The following STRN variants were observed in gnomAD, a reference collection of about 807,000 sequenced individuals.
STRN encodes the protein striatin.
STRN carries 53 observed loss-of-function variants against 96.3 expected under a neutral mutation model. The observed-to-expected ratio is 0.55, with a 90% CI of 0.44 to 0.69. The LOEUF is 0.69. Among genes scored for constraint, STRN ranks in the 30% least tolerant of loss-of-function variants. The pLI, the probability that STRN is intolerant of heterozygous loss-of-function variation, is 0.00. For missense variants in STRN, 987 were observed against 963.9 expected, an observed-to-expected ratio of 1.02 and a Z score of -0.32; for synonymous variants, 428 against 355.9, an observed-to-expected ratio of 1.20 and a Z score of -2.28.
intron 3 of STRN, among the ~76,000 whole-genome samples, chr2:36,915,055 G>C (rs1255369821): frequency 6.6e-6 from 1 of 151,128 alleles, no homozygotes; most frequent in Non-Finnish European, 1.5e-5. Context: ...AAATTAGCCA[G>C]GCCTGGTGGT....
intron 1 of STRN, among the ~76,000 whole-genome samples, chr2:36,959,418 G>A (rs1041489778): frequency 1.3e-5 from 2 of 152,124 alleles, no homozygotes; most frequent in African/African-American, 4.8e-5. Context: ...GATTAGCCTG[G>A]CCCCTAGACA....
At chr2:36,861,784 CT>C (rs1258974408) in intron 12 of STRN, among the ~76,000 whole-genome samples, 6 of 151,632 alleles carry the variant, frequency 4.0e-5, no homozygotes, top group Admixed American at 6.6e-5. Flanking sequence ...AACTTTTTAA[CT>C]TTTAGTTTCA....
At chr2:36,884,558 G>C (rs1442728617) in intron 8 of STRN, among the ~76,000 whole-genome samples, 2 of 152,072 alleles carry the variant, frequency 1.3e-5, no homozygotes, top group Non-Finnish European at 2.9e-5. Context: ...TCCCTGTTTT[G>C]ACTGTTTTAT....
intron 12 of STRN, 145 bp from the exon 13 acceptor site, chr2:36,861,398 A>G: frequency 2.7e-6 from 3 of 1,114,520 alleles, no homozygotes; most frequent in Non-Finnish European, 3.7e-6. Flanking sequence ...CTATCAAAGC[A>G]CTGTTCATTT....
In STRN at chr2:36,844,356, T is replaced by C. The variant is rs1221228681; in HGVS notation, c.*5100A>G. ...AACAAATTTAGCAGCTCTCTACAAG[T>C]CAATTAAAATACCATTCTCTGAGAC... is the stretch of plus-strand genomic sequence containing the variant. On this transcript the variant is annotated 3_prime_UTR_variant, in exon 18 of 18. Transcript: ENST00000263918. The C allele has an allele frequency of 5.9e-5, 9 of 152,114 alleles. No homozygotes were observed. The highest frequency in any genetic ancestry group is 5.9e-4 in the Admixed American group (9 of 15,258). The allele number at this position is 152,114 out of a possible 1,614,324, so 9.4% of individuals were successfully genotyped here.
At position 36,838,602 on chromosome 2, in the gene STRN, T is replaced by C. The variant is rs1010343459; in HGVS notation, c.*10854A>G. 6.6e-6 allele frequency among the ~76,000 whole-genome samples: 1 copy of C among 152,196 alleles called. No homozygotes were observed. The highest frequency in any genetic ancestry group is 6.5e-5 in the Admixed American group (1 of 15,272). On this transcript the variant is annotated 3_prime_UTR_variant, in exon 18 of 18. Coordinates refer to ENST00000263918, the MANE Select transcript of STRN (RefSeq NM_003162.4). ...GCCATGAGTATTAAGGGAAAAGTGTTTTTATACATTTACTGATGGAAATAA... is the reference window on the plus strand; with the variant it reads ...GCCATGAGTATTAAGGGAAAAGTGTCTTTATACATTTACTGATGGAAATAA...
rs548132195 is a variant in STRN at position 36,939,747 on chromosome 2, C to G, written c.235-14539G>C. Reference sequence around the variant, plus strand: ...GTGGAAATAGTTTCTGACACAAAATCACTATTCTGTAAGCATTTGCTGAAC... The same window carrying G: ...GTGGAAATAGTTTCTGACACAAAATGACTATTCTGTAAGCATTTGCTGAAC... On this transcript the variant is annotated intron_variant, in intron 1 of 17. Transcript: ENST00000263918. Among the ~76,000 whole-genome samples the G allele has an allele frequency of 2.0e-5, 3 of 152,258 alleles. No individual in the cohort carries two copies. In the East Asian group the frequency reaches 5.8e-4, roughly 29 times the overall value.
chr2:36,964,549 T>C (rs1354789104), intron 1 of STRN, among the ~76,000 whole-genome samples: 2 of 152,132 alleles, frequency 1.3e-5, no homozygotes, highest in African/African-American at 4.8e-5. Context: ...ATCGACTAAA[T>C]ACTACAGCAA....
chr2:36,871,150 T>A (rs891253961), intron 10 of STRN, among the ~76,000 whole-genome samples: 5 of 152,192 alleles, frequency 3.3e-5, no homozygotes, highest in Non-Finnish European at 7.3e-5. Flanking sequence ...GTCTAATTTA[T>A]TACTGAAGAA....
intron 16 of STRN, among the ~76,000 whole-genome samples, chr2:36,850,538 C>T (rs746745085): frequency 1.3e-5 from 2 of 151,978 alleles, no homozygotes; most frequent in African/African-American, 4.8e-5. Flanking sequence ...GTTTTCCATC[C>T]GCAACACTAA....
At chr2:36,932,216 G>A (rs1197805013) in intron 1 of STRN, among the ~76,000 whole-genome samples, 5 of 151,966 alleles carry the variant, frequency 3.3e-5, no homozygotes, top group Non-Finnish European at 5.9e-5. Context: ...GTACAGTGGC[G>A]TGATCTCGGC....
At chr2:36,918,146 C>T (rs1670158809) in intron 2 of STRN, among the ~76,000 whole-genome samples, 2 of 152,100 alleles carry the variant, frequency 1.3e-5, no homozygotes. Context: ...CAATGTGTCT[C>T]TTAACCACAA....
At chr2:36,877,244 C>G (rs887438031) in intron 10 of STRN, among the ~76,000 whole-genome samples, 38 of 152,118 alleles carry the variant, frequency 2.5e-4, no homozygotes, top group African/African-American at 7.7e-4. Context: ...AGAAGCAAGG[C>G]AAATATTGTT....
chr2:36,921,551 T>TA (rs1240572998), intron 2 of STRN, among the ~76,000 whole-genome samples: 3 of 152,240 alleles, frequency 2.0e-5, no homozygotes, highest in Non-Finnish European at 4.4e-5. Context: ...ATTCATTTGA[T>TA]ACCTTCTAAA....
At chr2:36,914,725 A>T (rs1314549034) in intron 3 of STRN, among the ~76,000 whole-genome samples, 1 of 152,212 alleles carries the variant, frequency 6.6e-6, no homozygotes. Flanking sequence ...AATGGAAAGA[A>T]TATGAATTTT....
chr2:36,887,756 A>G (rs1572649527), intron 7 of STRN, among the ~76,000 whole-genome samples: 1 of 152,246 alleles, frequency 6.6e-6, no homozygotes, highest in Non-Finnish European at 1.5e-5. Flanking sequence ...TAAATTCTTA[A>G]AACAGGAAAC....
At chr2:36,914,569 G>A (rs1670042902) in intron 3 of STRN, among the ~76,000 whole-genome samples, 1 of 152,150 alleles carries the variant, frequency 6.6e-6, no homozygotes, top group Non-Finnish European at 1.5e-5. Flanking sequence ...AACTGGCATT[G>A]CTCTAGATCT....
chr2:36,867,549 A>G (rs1668660753), intron 12 of STRN: 1 of 251,118 alleles, frequency 4.0e-6, no homozygotes, highest in African/African-American at 2.2e-5. Context: ...GGAATTTCTA[A>G]TATTTAAACC....
rs181916720 is a variant in STRN, at chr2:36,915,765, T to C, written c.412+313A>G. On this transcript the variant is annotated intron_variant, in intron 3 of 17. Transcript: ENST00000263918. ...GTACTTTGTACTGCACATCTGAAAG[T>C]TCCCATTAACTCTGGGCAGACCCAG... Among the ~76,000 whole-genome samples the C allele has an allele frequency of 4.7e-3, 717 of 152,300 alleles. 7 individuals are homozygous for C. Among genetic ancestry groups the C allele is most frequent in the African/African-American group, 0.017 (696 of 41,574 alleles).
Sources: allele counts gnomAD v4.1 joint callset (sites outside exome capture counted in the v4.1 genomes callset), GRCh38; gene constraint gnomAD v4.1.1; transcripts MANE v1.5; gene names NCBI Gene and HGNC (gene_info 2026-07-23, HGNC 2026-07-21).